The following ZCCHC8 variants were observed in gnomAD, a reference collection of about 807,000 sequenced individuals.
ZCCHC8 encodes zinc finger CCHC-type containing 8, also known as zinc finger CCHC domain-containing protein 8.
A neutral mutation model predicts 70.6 loss-of-function variants in ZCCHC8; 27 were observed. The observed-to-expected ratio is 0.38, with a 90% CI of 0.28 to 0.53. The LOEUF is 0.53. Among genes scored for constraint, ZCCHC8 ranks in the 20% least tolerant of loss-of-function variants. The pLI is 0.81. For missense variants in ZCCHC8, 737 were observed against 876.9 expected (o/e 0.84, Z 2.01); for synonymous variants, 293 against 317.4 (o/e 0.92, Z 0.82).
At chr12:122,491,529 CAA>C (rs555175551) in intron 3 of ZCCHC8, among the ~76,000 whole-genome samples, 12 of 63,350 alleles carry the variant, frequency 1.9e-4, no homozygotes, top group Middle Eastern at 0.013. Context: ...AACTCCATCT[CAA>C]AAAAAAAAAA....
Position 122,483,051 on chromosome 12 carries a change from A to T in ZCCHC8, c.671+228T>A. ...GACTGCAATCAAATTGACAGCAACA[A>T]TTATACCTTTCCACCCACCCAGGCA... On this transcript the variant is annotated intron_variant, in intron 7 of 13. Transcript: ENST00000633063. The surrounding 1 kb of genome is among the most constrained non-coding windows in gnomAD (Gnocchi z 4.4). The T allele has an allele frequency of 3.6e-6, 2 of 557,152 alleles. No homozygotes were observed. The highest frequency in any genetic ancestry group is 6.3e-6 in the Non-Finnish European group (2 of 318,874). 34.5% of individuals were successfully genotyped at this position (557,152 alleles called of 1,614,324 possible). A position where few individuals can be genotyped will look rare whatever the true frequency, so the allele number is the denominator to read the frequency against.
intron 5 of ZCCHC8, among the ~76,000 whole-genome samples, chr12:122,487,782 A>G (rs1957668019): frequency 6.6e-6 from 1 of 152,146 alleles, no homozygotes; most frequent in Non-Finnish European, 1.5e-5. Context: ...TCTTTCAATA[A>G]AGTCTGTGGG....
chr12:122,485,827 C>T (rs1476289389), intron 5 of ZCCHC8, among the ~76,000 whole-genome samples: 7 of 152,140 alleles, frequency 4.6e-5, no homozygotes, highest in Admixed American at 1.3e-4. Flanking sequence ...CCCACCACCA[C>T]GCCTGGCTAA....
chr12:122,477,651 C>T (rs1010201855), intron 13 of ZCCHC8, among the ~76,000 whole-genome samples, 190 bp downstream of exon 13: 7 of 149,620 alleles, frequency 4.7e-5, no homozygotes, highest in East Asian at 2.0e-4. Flanking sequence ...ATTAGCTGGG[C>T]GTGGTGATGC....
At chr12:122,499,785 T>G (rs1309140438) in intron 1 of ZCCHC8, 1 of 152,668 alleles carries the variant, frequency 6.6e-6, no homozygotes, top group Non-Finnish European at 1.5e-5. Context: ...GAGGTTGCAG[T>G]GAGCCGAGAT....
chr12:122,483,214 G>A lies in ZCCHC8; in HGVS notation c.671+65C>T. 2 of 1,450,420 alleles carry A rather than the reference G, an allele frequency of 1.4e-6. No homozygotes were observed. Among genetic ancestry groups the A allele is most frequent in the Middle Eastern group, 2.2e-4 (1 of 4,474 alleles). The allele number at this position is 1,450,420 out of a possible 1,614,324, so 89.8% of individuals were successfully genotyped here. A position where few individuals can be genotyped will look rare whatever the true frequency, so the allele number is the denominator to read the frequency against. Reference sequence around the variant, plus strand: ...GCAGTAAAGAACATGAACTTTTCAAGCCAAAAGTTTATGATTTTGGTTAAA... The same window carrying A: ...GCAGTAAAGAACATGAACTTTTCAAACCAAAAGTTTATGATTTTGGTTAAA... On this transcript the variant is annotated intron_variant, in intron 7 of 13. Transcript: ENST00000633063. The surrounding 1 kb of genome is among the most constrained non-coding windows in gnomAD (Gnocchi z 4.4).
intron 13 of ZCCHC8, among the ~76,000 whole-genome samples, chr12:122,475,282 T>C (rs1022731006): frequency 6.6e-6 from 1 of 152,172 alleles, no homozygotes; most frequent in African/African-American, 2.4e-5. Flanking sequence ...TGATCTCAAG[T>C]GATCCGCCCA....
In ZCCHC8 at chr12:122,474,071, A is replaced by G. The variant is rs564527622; in HGVS notation, c.1550T>C (p.Leu517Pro). ...SGAVDEDALT[L>P]EELEEQQRRI... ...CCTCTGCTGTTCTTCAAGTTCTTCT[A>G]GAGTCAGTGCGTCCTCATCCACAGC... Residue 517 changes from leucine to proline, a missense_variant, in exon 14 of 14, where the codon CTA becomes CCA. Leu to Pro is a moderately conservative substitution (Grantham distance 98, BLOSUM62 -3). Transcript: ENST00000633063. 59 of 1,523,300 alleles carry G rather than the reference A, an allele frequency of 3.9e-5. No individual in the cohort carries two copies. The Admixed American group carries it at 7.2e-4, about 18-fold the overall frequency. 94.4% of individuals were successfully genotyped at this position (1,523,300 alleles called of 1,614,324 possible).
At chr12:122,496,927 A>C (rs1957834441) in intron 2 of ZCCHC8, among the ~76,000 whole-genome samples, 1 of 152,096 alleles carries the variant, frequency 6.6e-6, no homozygotes, top group South Asian at 2.1e-4. Context: ...CGGGCAGATC[A>C]TGATGTCAGG....
intron 2 of ZCCHC8, among the ~76,000 whole-genome samples, chr12:122,495,357 G>A (rs1384167853): frequency 6.6e-6 from 1 of 151,952 alleles, no homozygotes; most frequent in African/African-American, 2.4e-5. Flanking sequence ...CAGGCGTGGT[G>A]GCACACACCA....
chr12:122,493,579 G>A (rs1382116513), intron 2 of ZCCHC8, among the ~76,000 whole-genome samples: 6 of 151,860 alleles, frequency 4.0e-5, no homozygotes, highest in African/African-American at 1.5e-4. Context: ...GCGCCACCAC[G>A]CCCAGCTAAT....
intron 2 of ZCCHC8, among the ~76,000 whole-genome samples, chr12:122,493,328 C>T (rs1305891210): frequency 6.6e-6 from 1 of 152,006 alleles, no homozygotes; most frequent in Non-Finnish European, 1.5e-5. Flanking sequence ...TGCAGTTAAT[C>T]TTTCAGTTTT....
In ZCCHC8 at chr12:122,480,235, G is replaced by T; in HGVS notation, c.1095C>A (p.Val365=). 6.2e-7 allele frequency: 1 copy of T among 1,602,804 alleles called. No individual in the cohort carries two copies. Among genetic ancestry groups the T allele is most frequent in the South Asian group, 1.1e-5 (1 of 89,522 alleles). ...TAGATATATTAAAACCAGGATAGTT[G>T]ACCAATTTTGAGAGATCGTAAGTGA... The part of the protein sequence containing the change: ...KSVTYDLSKL[V]NYPGFNISTP... The change falls in exon 11 of 14, where the codon GTC becomes GTA. Residue 365 remains valine (V), a synonymous_variant. Transcript: ENST00000633063.
chr12:122,474,697 G>A (rs1957383630), intron 13 of ZCCHC8, among the ~76,000 whole-genome samples: 1 of 151,942 alleles, frequency 6.6e-6, no homozygotes, highest in Non-Finnish European at 1.5e-5. Context: ...GGAAGTGAGG[G>A]GCAAGGCAGG....
Position 122,474,140 on chromosome 12 carries a change from G to A in ZCCHC8, c.1481C>T (p.Pro494Leu), listed in dbSNP as rs111823200. Residue 494 changes from proline (P) to leucine (L), a missense_variant, in exon 14 of 14, where the codon CCG becomes CTG. Pro to Leu is a moderately conservative substitution (Grantham distance 98). Coordinates refer to ENST00000633063, the MANE Select transcript of ZCCHC8 (RefSeq NM_017612.5). ...FTPPLPKGTP[P>L]LTPSDSPQTR... is the part of the protein sequence containing the mutation. Reference sequence around the variant, plus strand: ...CTGGGGTGAGTCACTGGGAGTCAGCGGCGGGGTGCCCTTTGGGAGTGGAGG... The same window carrying A: ...CTGGGGTGAGTCACTGGGAGTCAGCAGCGGGGTGCCCTTTGGGAGTGGAGG... The A allele has an allele frequency of 4.1e-4, 619 of 1,509,476 alleles. 3 individuals are homozygous for A. In the African/African-American group the frequency reaches 7.5e-3, roughly 18 times the overall value. 93.5% of individuals were successfully genotyped at this position (1,509,476 alleles called of 1,614,324 possible). A position where few individuals can be genotyped will look rare whatever the true frequency, so the allele number is the denominator to read the frequency against.
At chr12:122,499,351 C>A (rs1007087749) in intron 1 of ZCCHC8, 1 of 155,134 alleles carries the variant, frequency 6.4e-6, no homozygotes, top group African/African-American at 2.4e-5. Flanking sequence ...TCACTGCAAC[C>A]TCCGCCTCCC....
In ZCCHC8 at chr12:122,483,450, T is replaced by G; in HGVS notation, c.605+10A>C. The G allele has an allele frequency of 6.3e-7, 1 of 1,584,046 alleles. No homozygotes were observed. The highest frequency in any genetic ancestry group is 1.2e-5 in the South Asian group (1 of 86,730). ...ATGCATAAAAGATCTTCATTCACTA[T>G]GTAGGATACTTGGGTATTTCCCATC... is the stretch of plus-strand genomic sequence containing the variant. On this transcript the variant is annotated intron_variant, in intron 6 of 13. Coordinates refer to ENST00000633063, the MANE Select transcript of ZCCHC8 (RefSeq NM_017612.5). The surrounding 1 kb of genome is among the most constrained non-coding windows in gnomAD (Gnocchi z 4.4).
rs193110176 is a variant in ZCCHC8, at chr12:122,478,871, C to T, written c.1141-579G>A. ...GGGACTCAAGAATGTACATTTCTAA[C>T]GAGTATTCCCAGGGGACTCTGAAGT... On this transcript the variant is annotated intron_variant, in intron 11 of 13. Transcript: ENST00000633063. Among the ~76,000 whole-genome samples the T allele has an allele frequency of 1.2e-3, 183 of 152,240 alleles. 1 individual carries two copies. Among genetic ancestry groups the T allele is most frequent in the African/African-American group, 3.6e-3 (150 of 41,534 alleles).
At chr12:122,495,900 T>TAAAAAAAAA (rs1957820223) in intron 2 of ZCCHC8, among the ~76,000 whole-genome samples, 1 of 125,202 alleles carries the variant, frequency 8.0e-6, no homozygotes, top group Non-Finnish European at 1.7e-5. Flanking sequence ...AGAAACAGAC[T>TAAAAAAAAA]AAGCCCAGTG....
Sources: gnomAD v4.1 joint callset for allele counts (sites outside exome capture counted in the v4.1 genomes callset) on GRCh38, gnomAD v4.1.1 for gene constraint, Gnocchi (gnomAD v3.1) non-coding constraint, MANE v1.5 for transcripts, NCBI Gene and HGNC (gene_info 2026-07-23, HGNC 2026-07-21) for gene names.